Variants in CFAP221 observed in about 807,000 individuals in gnomAD.
The protein encoded by CFAP221 is cilia- and flagella-associated protein 221.
Under a neutral mutation model 113.1 loss-of-function variants are expected in CFAP221, and 97 were observed. The observed-to-expected ratio is 0.86, with a 90% CI of 0.73 to 1.02. The LOEUF (loss-of-function observed/expected upper bound fraction) is 1.02. CFAP221 is among the 50% of genes least tolerant of loss of function. The pLI, the probability that CFAP221 is intolerant of heterozygous loss-of-function variation, is 0.00. For missense variants in CFAP221, 1,025 were observed against 1,013.4 expected (o/e 1.01, Z -0.16); for synonymous variants, 331 against 354.4 (o/e 0.93, Z 0.74).
chr2:119,547,589 TA>T (rs1361800831), intron 2 of CFAP221, among the ~76,000 whole-genome samples: 1 of 152,022 alleles, frequency 6.6e-6, no homozygotes, highest in Non-Finnish European at 1.5e-5. Context: ...TCAATAAAAA[TA>T]AATATAAATA....
chr2:119,584,688 C>G (rs1454659553), intron 6 of CFAP221, among the ~76,000 whole-genome samples: 1 of 151,938 alleles, frequency 6.6e-6, no homozygotes, highest in Non-Finnish European at 1.5e-5. Context: ...AGAGGGAACC[C>G]AAATGAATAC....
In CFAP221 at chr2:119,611,678, A is replaced by G. The variant is rs1208612195; in HGVS notation, c.1247A>G (p.Asp416Gly). Residue 416 changes from aspartate (D) to glycine (G), a missense_variant, in exon 13 of 24, where the codon GAT (aspartate) becomes GGT (glycine). Coordinates refer to ENST00000413369, the MANE Select transcript of CFAP221 (RefSeq NM_001271049.2). ...CTAGACAGAGGAGATCCTATTTTGGATGAGGAATTTCAGCGACTTAAAACA... is the reference window on the plus strand; with the variant it reads ...CTAGACAGAGGAGATCCTATTTTGGGTGAGGAATTTCAGCGACTTAAAACA... Reference protein sequence around the residue: ...YKLDRGDPILDEEFQRLKTEV... With the variant: ...YKLDRGDPILGEEFQRLKTEV... The G allele has an allele frequency of 6.2e-7, 1 of 1,613,798 alleles. No homozygotes were observed. Among genetic ancestry groups the G allele is most frequent in the Non-Finnish European group, 8.5e-7 (1 of 1,179,934 alleles).
chr2:119,579,977 A>T (rs992986008), intron 6 of CFAP221, among the ~76,000 whole-genome samples: 1 of 152,138 alleles, frequency 6.6e-6, no homozygotes, highest in Non-Finnish European at 1.5e-5. Flanking sequence ...TTCAAAGACC[A>T]TATTTGGGCC....
intron 19 of CFAP221, chr2:119,637,981 C>T (rs575674651): frequency 6.8e-5 from 18 of 266,352 alleles, no homozygotes; most frequent in African/African-American, 3.5e-4. Context: ...GCTGTGATTT[C>T]GGTTGTACTT....
intron 13 of CFAP221, among the ~76,000 whole-genome samples, chr2:119,614,239 C>T (rs1685371765): frequency 6.6e-6 from 1 of 152,270 alleles, no homozygotes; most frequent in Admixed American, 6.5e-5. Context: ...AAGCTCCAAA[C>T]TTTCCCACAT....
intron 6 of CFAP221, among the ~76,000 whole-genome samples, chr2:119,585,261 A>G (rs1683129545): frequency 6.6e-6 from 1 of 152,246 alleles, no homozygotes; most frequent in Admixed American, 6.5e-5. Context: ...ATATGTAAGT[A>G]GTAATATTAC....
chr2:119,601,216 A>G lies in CFAP221; in HGVS notation c.632-2A>G, dbSNP rs1253033087. 6.6e-7 allele frequency: 1 copy of G among 1,516,730 alleles called. No individual in the cohort carries two copies. The highest frequency in any genetic ancestry group is 8.8e-7 in the Non-Finnish European group (1 of 1,132,950). The allele number at this position is 1,516,730 out of a possible 1,614,324, so 94.0% of individuals were successfully genotyped here. A position where few individuals can be genotyped will look rare whatever the true frequency, so the allele number is the denominator to read the frequency against. ...CACATTTTCTCATTTCTTTCCTCTC[A>G]GGAATAATTCCGGCTAATGGGAAGA... is the stretch of plus-strand genomic sequence containing the variant. On this transcript the variant is annotated splice_acceptor_variant, in intron 7 of 23. Coordinates refer to ENST00000413369, the MANE Select transcript of CFAP221 (RefSeq NM_001271049.2). LOFTEE classifies it high-confidence loss of function.
chr2:119,595,355 G>A (rs1323038726), intron 7 of CFAP221, among the ~76,000 whole-genome samples: 1 of 152,204 alleles, frequency 6.6e-6, no homozygotes, highest in Admixed American at 6.5e-5. Flanking sequence ...ACAGGACTTG[G>A]TAGTCAGGCT....
chr2:119,620,259 C>T (rs1321299854), intron 14 of CFAP221, among the ~76,000 whole-genome samples: 1 of 152,042 alleles, frequency 6.6e-6, no homozygotes, highest in African/African-American at 2.4e-5. Context: ...AGATACTCCT[C>T]GAGAAGAGCA....
intron 22 of CFAP221, among the ~76,000 whole-genome samples, chr2:119,651,259 G>A (rs13407034): frequency 0.011 from 1,745 of 152,248 alleles, 37 homozygotes; most frequent in African/African-American, 0.038. Context: ...CCAGAGGTCA[G>A]CAGACTATAG....
intron 21 of CFAP221, among the ~76,000 whole-genome samples, chr2:119,646,310 C>T (rs1687799818): frequency 6.6e-6 from 1 of 152,162 alleles, no homozygotes; most frequent in African/African-American, 2.4e-5. Context: ...TTAATTGGCT[C>T]ATAGTTCCAT....
chr2:119,639,025 A>T (rs1687303020), intron 20 of CFAP221, among the ~76,000 whole-genome samples: 1 of 151,324 alleles, frequency 6.6e-6, no homozygotes, highest in Non-Finnish European at 1.5e-5. Context: ...GTAGTTACCC[A>T]TGAGATCCTT....
chr2:119,556,752 A>G (rs1424216784), intron 3 of CFAP221, among the ~76,000 whole-genome samples: 1 of 151,882 alleles, frequency 6.6e-6, no homozygotes, highest in Non-Finnish European at 1.5e-5. Context: ...GAGTTTTACC[A>G]TGTTGGCCAG....
At chr2:119,643,978 C>T (rs571387152) in intron 21 of CFAP221, among the ~76,000 whole-genome samples, 46 of 151,914 alleles carry the variant, frequency 3.0e-4, no homozygotes, top group Admixed American at 7.2e-4. Context: ...CATGGTGAAA[C>T]CTCGTCTCTA....
At position 119,568,044 on chromosome 2, in the gene CFAP221, A is replaced by G. The variant is rs2587709; in HGVS notation, c.527+5930A>G. ...AATAACACTGTACTGCTTCACAGAT[A>G]GTTTGAGTACCTTAAGATAGCAAAA... On this transcript the variant is annotated intron_variant, in intron 6 of 23. Transcript: ENST00000413369. 8.1e-3 allele frequency among the ~76,000 whole-genome samples: 1,230 copies of G among 152,178 alleles called. 19 individuals carry two copies. The highest frequency in any genetic ancestry group is 0.028 in the African/African-American group (1,163 of 41,514).
At chr2:119,640,794 A>G (rs1478703007) in intron 21 of CFAP221, among the ~76,000 whole-genome samples, 1 of 152,194 alleles carries the variant, frequency 6.6e-6, no homozygotes, top group Non-Finnish European at 1.5e-5. Context: ...CCACTCGGGT[A>G]ACCTGGATCC....
intron 13 of CFAP221, among the ~76,000 whole-genome samples, chr2:119,614,624 G>C (rs908964613): frequency 1.3e-5 from 2 of 152,116 alleles, no homozygotes; most frequent in African/African-American, 4.8e-5. Context: ...ACGAGAACAG[G>C]ATGGGGAAAA....
rs1684526529 is a variant in CFAP221, at chr2:119,603,819, T to A, written c.792-853T>A. Among the ~76,000 whole-genome samples, 3 of 152,148 alleles carry A rather than the reference T, an allele frequency of 2.0e-5. No homozygotes were observed. In the South Asian group the frequency reaches 6.2e-4, roughly 32 times the overall value. On this transcript the variant is annotated intron_variant, in intron 8 of 23. Transcript: ENST00000413369. ...AATTTCTAAAAAAAGAAAAAAGAAA[T>A]GCTTCAAAGGTAGCATTTCTGAATA... is the stretch of plus-strand genomic sequence containing the variant.
intron 11 of CFAP221, among the ~76,000 whole-genome samples, chr2:119,606,939 C>T (rs945340010): frequency 6.6e-6 from 1 of 152,122 alleles, no homozygotes; most frequent in Non-Finnish European, 1.5e-5. Flanking sequence ...TCCCCTGAGC[C>T]ATTTACAGAT....
Sources: gnomAD v4.1 joint callset for allele counts (sites outside exome capture counted in the v4.1 genomes callset) on GRCh38, gnomAD v4.1.1 for gene constraint, MANE v1.5 for transcripts, NCBI Gene and HGNC (gene_info 2026-07-23, HGNC 2026-07-21) for gene names.